Variants in ARHGAP28 observed in about 807,000 individuals in gnomAD.
ARHGAP28 encodes Rho GTPase activating protein 28.
A neutral mutation model predicts 90.7 loss-of-function variants in ARHGAP28; 56 were observed. The observed-to-expected ratio is 0.62, with a 90% CI of 0.50 to 0.77. The LOEUF is 0.77. Among genes scored for constraint, ARHGAP28 ranks in the 30% least tolerant of loss-of-function variants. The pLI is 0.00. For synonymous variants in ARHGAP28, 308 were observed against 323.3 expected (o/e 0.95, Z 0.51); for missense variants, 869 against 900.9 (o/e 0.96, Z 0.45).
chr18:6,818,454 G>A (rs549788668), intron 1 of ARHGAP28, among the ~76,000 whole-genome samples: 4 of 152,236 alleles, frequency 2.6e-5, no homozygotes, highest in South Asian at 2.1e-4. Context: ...GTTTTCCTTT[G>A]CCACACACTG....
At chr18:6,855,091 C>G (rs1027781269) in intron 4 of ARHGAP28, among the ~76,000 whole-genome samples, 2 of 152,224 alleles carry the variant, frequency 1.3e-5, no homozygotes, top group African/African-American at 4.8e-5. Flanking sequence ...TCAGCAGGAA[C>G]AGCCTGGGCA....
At chr18:6,769,872 G>A (rs1343375650) in intron 1 of ARHGAP28, among the ~76,000 whole-genome samples, 1 of 152,214 alleles carries the variant, frequency 6.6e-6, no homozygotes, top group Non-Finnish European at 1.5e-5. Flanking sequence ...AAAGAGAAAA[G>A]GGGGAGGAAA....
intron 1 of ARHGAP28, among the ~76,000 whole-genome samples, chr18:6,746,400 T>G (rs1239011374): frequency 6.6e-6 from 1 of 152,170 alleles, no homozygotes; most frequent in East Asian, 1.9e-4. Context: ...ACCAATAGGG[T>G]TGATTGTGTT....
At chr18:6,768,880 C>CGAA (rs1424879407) in intron 1 of ARHGAP28, among the ~76,000 whole-genome samples, 2 of 152,068 alleles carry the variant, frequency 1.3e-5, no homozygotes, top group Non-Finnish European at 2.9e-5. Context: ...CTCAGCATTC[C>CGAA]CTTTCTCTCA....
chr18:6,908,677 C>A (rs1270288950), intron 16 of ARHGAP28, among the ~76,000 whole-genome samples: 1 of 152,196 alleles, frequency 6.6e-6, no homozygotes, highest in Non-Finnish European at 1.5e-5. Flanking sequence ...AGTAACTAAC[C>A]TGAAATGGAG....
chr18:6,897,600 G>A (rs1380424624), intron 16 of ARHGAP28: 2 of 152,196 alleles, frequency 1.3e-5, no homozygotes, highest in African/African-American at 2.4e-5. Context: ...CTGATGGATG[G>A]CCTTAAAATG....
intron 12 of ARHGAP28, 112 bp from the exon 13 acceptor site, chr18:6,889,776 A>G (rs890927729): frequency 3.0e-6 from 3 of 989,830 alleles, no homozygotes; most frequent in South Asian, 2.8e-5. Flanking sequence ...TAACCATTCT[A>G]TACTTCTGAC....
chr18:6,798,954 AATGT>A (rs2056462376), intron 1 of ARHGAP28, among the ~76,000 whole-genome samples: 1 of 152,224 alleles, frequency 6.6e-6, no homozygotes, highest in Non-Finnish European at 1.5e-5. Context: ...AAATTAATCT[AATGT>A]CATTTCTGAT....
chr18:6,828,398 A>G (rs2056691304), intron 2 of ARHGAP28, among the ~76,000 whole-genome samples: 2 of 149,456 alleles, frequency 1.3e-5, no homozygotes, highest in South Asian at 4.2e-4. Flanking sequence ...GAGAGAGGAG[A>G]GAGGAGAGAG....
At chr18:6,778,740 G>C (rs1228135317) in intron 1 of ARHGAP28, among the ~76,000 whole-genome samples, 2 of 152,228 alleles carry the variant, frequency 1.3e-5, no homozygotes, top group African/African-American at 4.8e-5. Context: ...ATCTTGATTA[G>C]AGTTGATTTT....
At chr18:6,798,680 G>T (rs947886321) in intron 1 of ARHGAP28, among the ~76,000 whole-genome samples, 7 of 152,076 alleles carry the variant, frequency 4.6e-5, no homozygotes, top group Admixed American at 2.6e-4. Flanking sequence ...TGGACTTCGG[G>T]GACTCAGAGG....
intron 1 of ARHGAP28, among the ~76,000 whole-genome samples, chr18:6,800,873 G>T (rs1600196376): frequency 6.6e-6 from 1 of 152,156 alleles, no homozygotes; most frequent in South Asian, 2.1e-4. Context: ...AAAATACAGT[G>T]GTTTGATTAT....
intron 3 of ARHGAP28, among the ~76,000 whole-genome samples, chr18:6,841,201 CTCCTCTCCT>C (rs1293899311): frequency 1.9e-4 from 12 of 62,518 alleles, no homozygotes; most frequent in South Asian, 8.6e-4. Context: ...CTCTCTCTCT[CTCCTCTCCT>C]CTCTCTCTCT....
intron 1 of ARHGAP28, among the ~76,000 whole-genome samples, chr18:6,758,341 C>CTT (rs869196522): frequency 9.6e-5 from 14 of 146,248 alleles, no homozygotes; most frequent in African/African-American, 3.2e-4. Flanking sequence ...GCTTGCTTGT[C>CTT]TTTTTTTTTT....
At chr18:6,798,142 A>T (rs1434311773) in intron 1 of ARHGAP28, among the ~76,000 whole-genome samples, 1 of 152,206 alleles carries the variant, frequency 6.6e-6, no homozygotes, top group Non-Finnish European at 1.5e-5. Flanking sequence ...TATGCAAAAA[A>T]ACACCTCCAT....
chr18:6,833,862 T>G (rs1600226878), intron 2 of ARHGAP28, among the ~76,000 whole-genome samples: 1 of 152,152 alleles, frequency 6.6e-6, no homozygotes, highest in South Asian at 2.1e-4. Flanking sequence ...GGACTCCTGG[T>G]TTATTTAGTG....
chr18:6,830,618 A>G (rs1444644696), intron 2 of ARHGAP28, among the ~76,000 whole-genome samples: 1 of 152,110 alleles, frequency 6.6e-6, no homozygotes, highest in Non-Finnish European at 1.5e-5. Context: ...ATGGTTTCCA[A>G]CTTCATCCAT....
chr18:6,910,760 A>G (rs1375764645), intron 17 of ARHGAP28, among the ~76,000 whole-genome samples: 7 of 152,066 alleles, frequency 4.6e-5, no homozygotes, highest in African/African-American at 1.4e-4. Flanking sequence ...TGCCTGGCGC[A>G]TTATTAATAT....
At position 6,888,518 on chromosome 18, in the gene ARHGAP28, T is replaced by A. The variant is rs1453446019; in HGVS notation, c.1536+1279T>A. 2.0e-5 allele frequency among the ~76,000 whole-genome samples: 3 copies of A among 152,324 alleles called. No homozygotes were observed. The East Asian group carries it at 5.8e-4, about 29-fold the overall frequency. On this transcript the variant is annotated intron_variant, in intron 12 of 17. Coordinates refer to ENST00000383472, the MANE Select transcript of ARHGAP28 (RefSeq NM_001366230.1). ...TATGTCGGTCATATTAGATGTATCCTTGAGGCAAGGACAGAGATCAGCTAT... is the reference window on the plus strand; with the variant it reads ...TATGTCGGTCATATTAGATGTATCCATGAGGCAAGGACAGAGATCAGCTAT...
Sources: gnomAD v4.1 joint callset for allele counts (sites outside exome capture counted in the v4.1 genomes callset) on GRCh38, gnomAD v4.1.1 for gene constraint, MANE v1.5 for transcripts, NCBI Gene and HGNC (gene_info 2026-07-23, HGNC 2026-07-21) for gene names.